The following NSUN3 variants were observed in gnomAD, a reference collection of about 807,000 sequenced individuals.
NSUN3 encodes NOP2/Sun RNA methyltransferase 3.
A neutral mutation model predicts 36.8 loss-of-function variants in NSUN3; 24 were observed. The ratio of observed to expected loss-of-function variants is 0.65; its 90% CI spans 0.47 to 0.92. The LOEUF (loss-of-function observed/expected upper bound fraction) is 0.92, where lower values mean the gene tolerates loss of function less well. Among genes scored for constraint, NSUN3 ranks in the 40% least tolerant of loss-of-function variants. NSUN3 has a pLI of 0.00. For synonymous variants in NSUN3, 146 were observed against 145.2 expected (o/e 1.01, Z -0.04); for missense variants, 381 against 392.8 (o/e 0.97, Z 0.25).
At chr3:94,118,242 TA>T (rs2077448262) in intron 5 of NSUN3, among the ~76,000 whole-genome samples, 1 of 152,198 alleles carries the variant, frequency 6.6e-6, no homozygotes, top group African/African-American at 2.4e-5. Context: ...ATCAATTTTT[TA>T]AAAAGTACTT....
intron 5 of NSUN3, among the ~76,000 whole-genome samples, chr3:94,103,036 G>A (rs2107261769): frequency 1.3e-5 from 2 of 152,144 alleles, no homozygotes; most frequent in East Asian, 3.9e-4. Flanking sequence ...ACAGGTGTCT[G>A]CCACCATACC....
chr3:94,096,933 GCTTT>G (rs2077343916), intron 5 of NSUN3, among the ~76,000 whole-genome samples: 1 of 152,092 alleles, frequency 6.6e-6, no homozygotes, highest in Non-Finnish European at 1.5e-5. Context: ...AAGCAAACAG[GCTTT>G]CTGAGAATAT....
chr3:94,131,627 C>T lies in NSUN3; in HGVS notation c.*5137C>T, dbSNP rs1016851584. The stretch of plus-strand genomic sequence containing the variant: ...CTTCCTTTTCTTTGCAGATGCTGAG[C>T]TGAAGAATGGAAATTTGGAGCAGAC... On this transcript the variant is annotated 3_prime_UTR_variant, in exon 6 of 6. Transcript: ENST00000314622. Among the ~76,000 whole-genome samples, 1 of 152,158 alleles carries T rather than the reference C, an allele frequency of 6.6e-6. No individual in the cohort carries two copies. Among genetic ancestry groups the T allele is most frequent in the African/African-American group, 2.4e-5 (1 of 41,420 alleles).
intron 5 of NSUN3, among the ~76,000 whole-genome samples, chr3:94,108,621 A>T (rs927270846): frequency 1.3e-5 from 2 of 151,876 alleles, no homozygotes; most frequent in African/African-American, 2.4e-5. Context: ...AGCTTCCCAA[A>T]GTGCTGGGAT....
intron 2 of NSUN3, chr3:94,076,359 C>G (rs1246140517): frequency 2.4e-6 from 2 of 818,834 alleles, no homozygotes; most frequent in Non-Finnish European, 4.4e-6. Context: ...TTCACTTCAG[C>G]AGTGTGAGCG....
At chr3:94,086,708 C>T (rs1475343696) in intron 3 of NSUN3, among the ~76,000 whole-genome samples, 1 of 152,156 alleles carries the variant, frequency 6.6e-6, no homozygotes, top group African/African-American at 2.4e-5. Context: ...TTGAAGCTTG[C>T]TGTATTTTAA....
chr3:94,096,455 C>T (rs980723465), intron 5 of NSUN3, among the ~76,000 whole-genome samples: 13 of 152,062 alleles, frequency 8.5e-5, no homozygotes, highest in Non-Finnish European at 1.3e-4. Context: ...AATCATTTTT[C>T]TCACCTAAGC....
At chr3:94,125,671 T>C (rs1576105019) in intron 5 of NSUN3, among the ~76,000 whole-genome samples, 1 of 152,212 alleles carries the variant, frequency 6.6e-6, no homozygotes, top group Non-Finnish European at 1.5e-5. Flanking sequence ...ACTTTTTGAA[T>C]AGCAATCAAC....
intron 5 of NSUN3, among the ~76,000 whole-genome samples, chr3:94,100,968 GTTAA>G (rs2077363491): frequency 6.6e-6 from 1 of 151,182 alleles, no homozygotes; most frequent in Admixed American, 6.6e-5. Flanking sequence ...GTTTTTTTAT[GTTAA>G]TTTTTTTTTT....
chr3:94,129,631 C>G lies in NSUN3; in HGVS notation c.*3141C>G, dbSNP rs544899750. On this transcript the variant is annotated 3_prime_UTR_variant, in exon 6 of 6. Transcript: ENST00000314622. The stretch of plus-strand genomic sequence containing the variant: ...CATGTAACACACCTGTTCATGTATC[C>G]CCTGAATCTAAAAAGCTGAAATTAT... 3.3e-5 allele frequency among the ~76,000 whole-genome samples: 5 copies of G among 151,962 alleles called. No homozygotes were observed. The highest frequency in any genetic ancestry group is 1.2e-4 in the African/African-American group (5 of 41,424).
intron 5 of NSUN3, among the ~76,000 whole-genome samples, chr3:94,099,697 C>T (rs554914190): frequency 2.1e-4 from 32 of 151,464 alleles, no homozygotes; most frequent in Admixed American, 1.9e-3. Flanking sequence ...AGAAAATGAT[C>T]GGAGTCCTGA....
rs140219019 is a variant in NSUN3 at position 94,064,685 on chromosome 3, G to A, written c.122+139G>A. 2.2e-3 allele frequency: 1,253 copies of A among 557,618 alleles called. 17 individuals are homozygous for A. The highest frequency in any genetic ancestry group is 0.022 in the African/African-American group (1,145 of 52,590). 34.5% of individuals were successfully genotyped at this position (557,618 alleles called of 1,614,324 possible). On this transcript the variant is annotated intron_variant, in intron 2 of 5. Coordinates refer to ENST00000314622, the MANE Select transcript of NSUN3 (RefSeq NM_022072.5). Reference sequence around the variant, plus strand: ...CCTTTTCCTACTGAAGCTATAGAAAGGAACAACTAAGAAGAAATAGAATGA... The same window carrying A: ...CCTTTTCCTACTGAAGCTATAGAAAAGAACAACTAAGAAGAAATAGAATGA...
At chr3:94,106,361 C>T (rs908209437) in intron 5 of NSUN3, among the ~76,000 whole-genome samples, 34 of 152,096 alleles carry the variant, frequency 2.2e-4, no homozygotes, top group Admixed American at 5.2e-4. Flanking sequence ...TCTCTGAAAA[C>T]GGCAAGCTTG....
At chr3:94,074,936 T>A (rs1036814340) in intron 2 of NSUN3, among the ~76,000 whole-genome samples, 18 of 152,146 alleles carry the variant, frequency 1.2e-4, no homozygotes, top group African/African-American at 4.3e-4. Context: ...CTATTGGCTG[T>A]GAGTTTGTCA....
chr3:94,076,123 T>C, intron 2 of NSUN3: 1 of 1,402,928 alleles, frequency 7.1e-7, no homozygotes, highest in Non-Finnish European at 1.0e-6. Context: ...CTTCTGGGGA[T>C]TGTTCCTCTC....
Position 94,126,556 on chromosome 3 carries a change from A to G in NSUN3, c.*66A>G. 7.2e-7 allele frequency: 1 copy of G among 1,389,666 alleles called. No individual in the cohort carries two copies. The highest frequency in any genetic ancestry group is 1.4e-5 in the South Asian group (1 of 71,140). 86.1% of individuals were successfully genotyped at this position (1,389,666 alleles called of 1,614,324 possible). On this transcript the variant is annotated 3_prime_UTR_variant, in exon 6 of 6. Coordinates refer to ENST00000314622, the MANE Select transcript of NSUN3 (RefSeq NM_022072.5). ...ATTTCTGAACTCAGTACATGTTAAT[A>G]TTTAAATAATTATGCAGTAACTTTC...
Position 94,128,452 on chromosome 3 carries a change from G to C in NSUN3, c.*1962G>C, listed in dbSNP as rs1188440321. On this transcript the variant is annotated 3_prime_UTR_variant, in exon 6 of 6. Transcript: ENST00000314622. Reference sequence around the variant, plus strand: ...AGAGTAAATCTGCACACTGTACTTTGTTAAATGTCGGTATTTTCCCAGTAT... The same window carrying C: ...AGAGTAAATCTGCACACTGTACTTTCTTAAATGTCGGTATTTTCCCAGTAT... 3 of 151,574 alleles carry C rather than the reference G, an allele frequency of 2.0e-5. No homozygotes were observed. The highest frequency in any genetic ancestry group is 7.3e-5 in the African/African-American group (3 of 41,286). The allele number at this position is 151,574 out of a possible 1,614,324, so 9.4% of individuals were successfully genotyped here. A position where few individuals can be genotyped will look rare whatever the true frequency, so the allele number is the denominator to read the frequency against.
In NSUN3 at chr3:94,130,067, T is replaced by C. The variant is rs2077503785; in HGVS notation, c.*3577T>C. ...CCACACCCACTGTGTATGTTGTCTT[T>C]ATTGATGCTTAAAACAAACTCAGGA... On this transcript the variant is annotated 3_prime_UTR_variant, in exon 6 of 6. Transcript: ENST00000314622. 6.6e-6 allele frequency among the ~76,000 whole-genome samples: 1 copy of C among 152,180 alleles called. No homozygotes were observed. The highest frequency in any genetic ancestry group is 1.5e-5 in the Non-Finnish European group (1 of 68,038).
At chr3:94,076,728 C>T (rs2077248090) in intron 2 of NSUN3, 3 of 1,382,232 alleles carry the variant, frequency 2.2e-6, no homozygotes, top group East Asian at 2.3e-5. Context: ...AAGATAAGAA[C>T]ATCACTGGAA....
Sources: gnomAD v4.1 joint callset for allele counts (sites outside exome capture counted in the v4.1 genomes callset) on GRCh38, gnomAD v4.1.1 for gene constraint, MANE v1.5 for transcripts, NCBI Gene and HGNC (gene_info 2026-07-23, HGNC 2026-07-21) for gene names.